CAMTA1: variants seen among roughly 807,000 people sequenced by gnomAD.
CAMTA1 encodes the protein calmodulin-binding transcription activator 1.
Under a neutral mutation model 170.9 loss-of-function variants are expected in CAMTA1, and 27 were observed. The observed-to-expected ratio is 0.16, with a 90% CI of 0.12 to 0.22. The LOEUF (loss-of-function observed/expected upper bound fraction) is 0.22, where lower values mean the gene tolerates loss of function less well. CAMTA1 is among the 10% of genes least tolerant of loss of function. The pLI, the probability that CAMTA1 is intolerant of heterozygous loss-of-function variation, is 1.00. For synonymous variants in CAMTA1, 833 were observed against 891.5 expected, an observed-to-expected ratio of 0.93 and a Z score of 1.17; for missense variants, 1,619 against 2,217.2, an observed-to-expected ratio of 0.73 and a Z score of 5.42.
intron 5 of CAMTA1, among the ~76,000 whole-genome samples, chr1:7,256,986 T>A (rs997562963): frequency 1.3e-5 from 2 of 151,102 alleles, no homozygotes; most frequent in East Asian, 3.9e-4. Flanking sequence ...GTTCCTTTTA[T>A]CAGGGCACAA....
chr1:7,138,260 G>A (rs1256570263), intron 4 of CAMTA1, among the ~76,000 whole-genome samples: 1 of 152,164 alleles, frequency 6.6e-6, no homozygotes, highest in Non-Finnish European at 1.5e-5. Flanking sequence ...CCAAAGTGCT[G>A]GGATTCTAGG....
At chr1:7,203,496 T>A (rs1657079247) in intron 4 of CAMTA1, among the ~76,000 whole-genome samples, 1 of 151,616 alleles carries the variant, frequency 6.6e-6, no homozygotes, top group African/African-American at 2.4e-5. Flanking sequence ...GTAGTTTTTT[T>A]TTTTTTTTTT....
At chr1:7,230,447 C>CT (rs1662563082) in intron 4 of CAMTA1, among the ~76,000 whole-genome samples, 3 of 114,794 alleles carry the variant, frequency 2.6e-5, no homozygotes, top group African/African-American at 1.1e-4. Flanking sequence ...CCCCCCCCGC[C>CT]CCGCAAAGCT....
At chr1:7,102,071 G>C (rs774014705) in intron 4 of CAMTA1, among the ~76,000 whole-genome samples, 5 of 136,690 alleles carry the variant, frequency 3.7e-5, no homozygotes, top group South Asian at 2.3e-4. Flanking sequence ...CACACACACA[G>C]CTTCCTGTAT....
intron 5 of CAMTA1, among the ~76,000 whole-genome samples, chr1:7,252,622 C>T (rs1315684001): frequency 6.6e-6 from 1 of 152,162 alleles, no homozygotes; most frequent in African/African-American, 2.4e-5. Context: ...CTGCGTCCGT[C>T]TTTGGTGGAT....
intron 6 of CAMTA1, among the ~76,000 whole-genome samples, chr1:7,598,700 A>AT (rs1290360976): frequency 3.9e-5 from 6 of 152,090 alleles, no homozygotes; most frequent in African/African-American, 1.4e-4. Flanking sequence ...GATGATGAGC[A>AT]TTTTTTTCAT....
At chr1:7,310,603 T>C (rs1441231121) in intron 5 of CAMTA1, among the ~76,000 whole-genome samples, 1 of 1,954 alleles carries the variant, frequency 5.1e-4, no homozygotes. Flanking sequence ...TCTTTTCTTT[T>C]CTTTCTTTCT....
At chr1:7,701,454 T>C (rs1276777672) in intron 11 of CAMTA1, among the ~76,000 whole-genome samples, 1 of 152,134 alleles carries the variant, frequency 6.6e-6, no homozygotes, top group Non-Finnish European at 1.5e-5. Flanking sequence ...CTTGCTCTGT[T>C]GCCCAGGCTG....
At chr1:7,259,552 G>A (rs1020314602) in intron 5 of CAMTA1, among the ~76,000 whole-genome samples, 5 of 152,218 alleles carry the variant, frequency 3.3e-5, no homozygotes, top group Admixed American at 6.5e-5. Context: ...GTTGTTGCCA[G>A]TAGGGTCCTG....
chr1:7,723,779 G>A (rs1486435501), intron 11 of CAMTA1, among the ~76,000 whole-genome samples: 1 of 152,212 alleles, frequency 6.6e-6, no homozygotes, highest in East Asian at 1.9e-4. Context: ...ATTGAGGGAT[G>A]TCTCCAAAAT....
At chr1:6,828,270 T>C (rs1648011737) in intron 3 of CAMTA1, among the ~76,000 whole-genome samples, 1 of 151,296 alleles carries the variant, frequency 6.6e-6, no homozygotes. Flanking sequence ...GTGAGTGAGA[T>C]TGTGCTCATT....
chr1:6,788,796 GGTTATT>G (rs879724574), intron 1 of CAMTA1, among the ~76,000 whole-genome samples: 1 of 152,146 alleles, frequency 6.6e-6, no homozygotes, highest in African/African-American at 2.4e-5. Context: ...AGACACTTGA[GGTTATT>G]GTCTGAAGCT....
chr1:7,322,995 C>T (rs965924765), intron 5 of CAMTA1, among the ~76,000 whole-genome samples: 17 of 140,096 alleles, frequency 1.2e-4, no homozygotes, highest in African/African-American at 4.3e-4. Context: ...TTCCCTTTTC[C>T]CTTCCCCTTC....
chr1:7,462,162 T>C (rs1437606931), intron 5 of CAMTA1, among the ~76,000 whole-genome samples: 2 of 152,246 alleles, frequency 1.3e-5, no homozygotes, highest in African/African-American at 2.4e-5. Flanking sequence ...AGTTTCACTC[T>C]TGTTGCCCAG....
intron 6 of CAMTA1, among the ~76,000 whole-genome samples, chr1:7,614,972 G>A (rs992652133): frequency 3.3e-5 from 5 of 152,324 alleles, no homozygotes; most frequent in African/African-American, 9.6e-5. Flanking sequence ...TTTCCCAACC[G>A]CTGCTTCTTC....
intron 6 of CAMTA1, among the ~76,000 whole-genome samples, chr1:7,567,011 C>T (rs968552492): frequency 2.6e-5 from 4 of 152,220 alleles, no homozygotes; most frequent in Admixed American, 2.0e-4. Flanking sequence ...CACCCTGGGT[C>T]AGGGTCTGGG....
At chr1:6,882,543 C>G (rs1418060874) in intron 3 of CAMTA1, among the ~76,000 whole-genome samples, 1 of 152,078 alleles carries the variant, frequency 6.6e-6, no homozygotes, top group Admixed American at 6.5e-5. Flanking sequence ...GAATGCTATT[C>G]TTCTTTACTG....
intron 3 of CAMTA1, among the ~76,000 whole-genome samples, chr1:6,947,925 A>T (rs941951055): frequency 6.6e-6 from 1 of 152,054 alleles, no homozygotes. Context: ...GTTTTCGTGG[A>T]TTCTTCAGGA....
intron 7 of CAMTA1, among the ~76,000 whole-genome samples, chr1:7,650,300 GTGCCACTTTGTA>G: frequency 6.6e-6 from 1 of 152,348 alleles, no homozygotes; most frequent in East Asian, 1.9e-4. Flanking sequence ...TGGCTCTAAA[GTGCCACTTTGTA>G]TGTCACTGAG....
Sources: gnomAD v4.1 joint callset for allele counts (sites outside exome capture counted in the v4.1 genomes callset) on GRCh38, gnomAD v4.1.1 for gene constraint, MANE v1.5 for transcripts, NCBI Gene and HGNC (gene_info 2026-07-23, HGNC 2026-07-21) for gene names.